The following ZFR2 variants were observed in gnomAD, a reference collection of about 807,000 sequenced individuals.
ZFR2 encodes the protein zinc finger RNA binding protein 2.
In ZFR2, 104 loss-of-function variants were observed where a neutral mutation model predicts 105.7. That is an observed-to-expected ratio of 0.98 (90% CI 0.84 to 1.16). ZFR2 has a LOEUF of 1.16. ZFR2 is among the 50% of genes most tolerant of loss of function. The pLI, the probability that ZFR2 is intolerant of heterozygous loss-of-function variation, is 0.00. For synonymous variants in ZFR2, 634 were observed against 597.7 expected (o/e 1.06, Z -0.89); for missense variants, 1,425 against 1,355.5 (o/e 1.05, Z -0.80).
At chr19:3,839,536 C>CAAAAAAAAAAAAA (rs60712587) in intron 1 of ZFR2, among the ~76,000 whole-genome samples, 6 of 36,638 alleles carry the variant, frequency 1.6e-4, no homozygotes, top group Admixed American at 4.8e-4. Flanking sequence ...GGGATTCTGT[C>CAAAAAAAAAAAAA]AAAAAAAAAA....
At chr19:3,809,052 T>A in intron 16 of ZFR2, 69 bp from the exon 17 acceptor site, 2 of 1,217,418 alleles carry the variant, frequency 1.6e-6, no homozygotes, top group Non-Finnish European at 2.2e-6. Flanking sequence ...CGGGAGGTCC[T>A]GGGGTCCCTG....
chr19:3,829,151 G>A (rs1177152477), intron 5 of ZFR2, among the ~76,000 whole-genome samples: 13 of 151,874 alleles, frequency 8.6e-5, no homozygotes, highest in African/African-American at 3.1e-4. Flanking sequence ...TAGTAGAGAC[G>A]GGGTTTCACC....
At position 3,831,362 on chromosome 19, in the gene ZFR2, G is replaced by A. The variant is rs897028663; in HGVS notation, c.793C>T (p.Pro265Ser). 2.6e-6 allele frequency: 4 copies of A among 1,556,684 alleles called. No individual in the cohort carries two copies. Among genetic ancestry groups the A allele is most frequent in the Non-Finnish European group, 3.5e-6 (4 of 1,152,326 alleles). ...PSKLPRPKAG[P>S]RQLQLHYCDI... Reference sequence around the variant, plus strand: ...CAGTAGTGAAGCTGGAGCTGCCTGGGCCCCGCCTTGGGTCTCGGCAGCTTG... The same window carrying A: ...CAGTAGTGAAGCTGGAGCTGCCTGGACCCCGCCTTGGGTCTCGGCAGCTTG... The change falls in exon 5 of 19, where the codon CCC (proline) becomes TCC (serine). Residue 265 changes from proline to serine, a missense_variant. Pro to Ser is a moderately conservative substitution (Grantham distance 74, BLOSUM62 -1). Coordinates refer to ENST00000262961, the MANE Select transcript of ZFR2 (RefSeq NM_015174.2).
intron 1 of ZFR2, among the ~76,000 whole-genome samples, chr19:3,867,837 C>G (rs979189748): frequency 2.0e-5 from 3 of 151,938 alleles, no homozygotes; most frequent in Non-Finnish European, 4.4e-5. Flanking sequence ...TCTGTCTTCT[C>G]TCCTCCACCC....
At chr19:3,860,491 T>C (rs967011954) in intron 1 of ZFR2, among the ~76,000 whole-genome samples, 9 of 152,158 alleles carry the variant, frequency 5.9e-5, no homozygotes, top group African/African-American at 2.2e-4. Context: ...TTCCAGAGCC[T>C]GGGCGTCGAG....
intron 3 of ZFR2, among the ~76,000 whole-genome samples, chr19:3,832,634 T>G (rs112866003): frequency 0.22 from 31,935 of 145,604 alleles, 3,596 homozygotes; most frequent in South Asian, 0.37. Flanking sequence ...TTTTGTTTTT[T>G]TTTTTTATTT....
chr19:3,846,489 G>A (rs141629593), intron 1 of ZFR2, among the ~76,000 whole-genome samples: 22 of 152,318 alleles, frequency 1.4e-4, no homozygotes, highest in African/African-American at 5.1e-4. Context: ...TAGCGAGCTT[G>A]GTTGGTAATG....
At chr19:3,833,898 T>TA in intron 2 of ZFR2, 120 bp from the exon 3 acceptor site, 2 of 773,860 alleles carry the variant, frequency 2.6e-6, no homozygotes, top group Non-Finnish European at 4.1e-6. Context: ...CGCTGGCTCC[T>TA]AAGCGTCTGC....
At position 3,865,174 on chromosome 19, in the gene ZFR2, A is replaced by G. The variant is rs532442891; in HGVS notation, c.53+3791T>C. ...AAATATGAGATTCATAAGACCATAT[A>G]AAATAAAATAAAGATAATCAACATT... On this transcript the variant is annotated intron_variant, in intron 1 of 18. Transcript: ENST00000262961. Among the ~76,000 whole-genome samples, 4 of 152,352 alleles carry G rather than the reference A, an allele frequency of 2.6e-5. No individual in the cohort carries two copies. The South Asian group carries it at 8.3e-4, about 32-fold the overall frequency.
chr19:3,831,106 C>T (rs772938283), intron 5 of ZFR2, among the ~76,000 whole-genome samples, 197 bp downstream of exon 5: 59 of 151,834 alleles, frequency 3.9e-4, no homozygotes, highest in Admixed American at 8.0e-4. Flanking sequence ...CATAAACACA[C>T]GCACACATAC....
In ZFR2 at chr19:3,833,651, G is replaced by A. The variant is rs1419943871; in HGVS notation, c.379+13C>T. On this transcript the variant is annotated intron_variant, in intron 3 of 18. Transcript: ENST00000262961. ...TCTCCTCGTTCCCAGCCCCGACCCTGCAGATGGCTCACCTGGCTGGCCGGA... is the reference window on the plus strand; with the variant it reads ...TCTCCTCGTTCCCAGCCCCGACCCTACAGATGGCTCACCTGGCTGGCCGGA... 11 of 1,546,102 alleles carry A rather than the reference G, an allele frequency of 7.1e-6. No homozygotes were observed. The South Asian group carries it at 1.1e-4, about 15-fold the overall frequency.
At chr19:3,836,724 G>A (rs1199893227) in intron 1 of ZFR2, among the ~76,000 whole-genome samples, 3 of 152,102 alleles carry the variant, frequency 2.0e-5, no homozygotes, top group African/African-American at 7.2e-5. Flanking sequence ...CGCTCCCCAC[G>A]GTCTAGACGA....
At position 3,831,492 on chromosome 19, in the gene ZFR2, C is replaced by T. The variant is rs369426516; in HGVS notation, c.663G>A (p.Ala221=). The change falls in exon 5 of 19, where the codon GCG becomes GCA. Residue 221 remains alanine (A), a synonymous_variant. Coordinates refer to ENST00000262961, the MANE Select transcript of ZFR2 (RefSeq NM_015174.2). The part of the protein sequence containing the change: ...YSAASPFYPP[A]QPPPPPGPPQ... ...GGGGTCCCGGGGGAGGCGGGGGCTG[C>T]GCTGGAGGATAGAAAGGGCTGGCAG... 1.8e-5 allele frequency: 28 copies of T among 1,550,878 alleles called. No individual in the cohort carries two copies. Among genetic ancestry groups the T allele is most frequent in the African/African-American group, 2.7e-5 (2 of 73,094 alleles).
intron 14 of ZFR2, among the ~76,000 whole-genome samples, chr19:3,811,817 G>T (rs1300611619): frequency 6.6e-6 from 1 of 152,034 alleles, no homozygotes; most frequent in Non-Finnish European, 1.5e-5. Context: ...CTGGAGTGCA[G>T]TGGTGTGACT....
chr19:3,862,835 G>C (rs935145141), intron 1 of ZFR2, among the ~76,000 whole-genome samples: 2 of 152,208 alleles, frequency 1.3e-5, no homozygotes, highest in Non-Finnish European at 2.9e-5. Flanking sequence ...GCGTGAAAAA[G>C]ACCGCAGCAA....
intron 18 of ZFR2, among the ~76,000 whole-genome samples, chr19:3,806,905 G>A (rs1418285226): frequency 1.3e-5 from 2 of 152,350 alleles, no homozygotes; most frequent in East Asian, 3.9e-4. Context: ...AGTGGTGTGG[G>A]GGAGGACGGT....
chr19:3,858,102 G>A lies in ZFR2; in HGVS notation c.53+10863C>T, dbSNP rs546605700. On this transcript the variant is annotated intron_variant, in intron 1 of 18. Coordinates refer to ENST00000262961, the MANE Select transcript of ZFR2 (RefSeq NM_015174.2). The surrounding 1 kb of genome is among the most constrained non-coding windows in gnomAD (Gnocchi z 4.3). ...CTGAATTTTGGGATGCAAAGCTAGC[G>A]AGCCCCACTGATCTCATTTTGTTCA... is the stretch of plus-strand genomic sequence containing the variant. Among the ~76,000 whole-genome samples, 3 of 152,240 alleles carry A rather than the reference G, an allele frequency of 2.0e-5. No individual in the cohort carries two copies. Among genetic ancestry groups the A allele is most frequent in the South Asian group, 2.1e-4 (1 of 4,824 alleles).
At chr19:3,822,004 C>G in intron 9 of ZFR2, 77 bp downstream of exon 9, 5 of 1,508,234 alleles carry the variant, frequency 3.3e-6, no homozygotes, top group Non-Finnish European at 4.4e-6. Context: ...GGAAGAGGCC[C>G]GACCACAGGC....
intron 1 of ZFR2, among the ~76,000 whole-genome samples, chr19:3,852,986 G>C (rs1426783261): frequency 2.0e-5 from 3 of 152,232 alleles, no homozygotes; most frequent in Admixed American, 1.3e-4. Flanking sequence ...AATGTCAAAA[G>C]TGCTGCTGTT....
Sources: allele counts gnomAD v4.1 joint callset (sites outside exome capture counted in the v4.1 genomes callset), GRCh38; gene constraint gnomAD v4.1.1; non-coding constraint Gnocchi (gnomAD v3.1); transcripts MANE v1.5; gene names NCBI Gene and HGNC (gene_info 2026-07-23, HGNC 2026-07-21).